Variants in DNMT3A observed in about 807,000 individuals in gnomAD.
DNMT3A encodes DNA methyltransferase 3 alpha.
Under a neutral mutation model 117.6 loss-of-function variants are expected in DNMT3A, and 267 were observed. The ratio of observed to expected loss-of-function variants is 2.27; its 90% CI spans 2.05 to 2.51. DNMT3A has a LOEUF of 2.51. DNMT3A is among the 30% of genes most tolerant of loss of function. The probability of loss-of-function intolerance (pLI) is 0.00; values close to 1 mark genes in which losing one functional copy is unlikely to be tolerated. For synonymous variants in DNMT3A, 432 were observed against 474.8 expected (o/e 0.91, Z 1.17); for missense variants, 1,029 against 1,260.2 (o/e 0.82, Z 2.78).
chr2:25,284,119 G>A (rs556694562), intron 3 of DNMT3A, among the ~76,000 whole-genome samples: 14 of 152,308 alleles, frequency 9.2e-5, no homozygotes, highest in South Asian at 6.2e-4. Flanking sequence ...CACACCCACA[G>A]GCACCAGGCT....
chr2:25,341,554 G>A (rs1407566036), intron 1 of DNMT3A, among the ~76,000 whole-genome samples: 4 of 146,358 alleles, frequency 2.7e-5, no homozygotes, highest in African/African-American at 9.8e-5. Context: ...GGGGAGGGGG[G>A]TCCGCGCCGG....
At position 25,293,576 on chromosome 2, in the gene DNMT3A, C is replaced by T. The variant is rs2032913361; in HGVS notation, c.177+6563G>A. Among the ~76,000 whole-genome samples the T allele has an allele frequency of 6.6e-6, 1 of 152,158 alleles. No homozygotes were observed. Among genetic ancestry groups the T allele is most frequent in the African/African-American group, 2.4e-5 (1 of 41,426 alleles). Reference sequence around the variant, plus strand: ...CAATTATGGCTCACTGCAGCCTCAACCTCCCGGGGTCAAGAGATCCTCCTG... The same window carrying T: ...CAATTATGGCTCACTGCAGCCTCAATCTCCCGGGGTCAAGAGATCCTCCTG... On this transcript the variant is annotated intron_variant, in intron 3 of 22. Coordinates refer to ENST00000321117, the MANE Select transcript of DNMT3A (RefSeq NM_022552.5). The surrounding 1 kb of genome is among the most constrained non-coding windows in gnomAD (Gnocchi z 4.7).
chr2:25,271,319 C>T (rs1317173976), intron 6 of DNMT3A, among the ~76,000 whole-genome samples: 4 of 152,204 alleles, frequency 2.6e-5, no homozygotes, highest in Non-Finnish European at 5.9e-5. Context: ...CTTTGCACTC[C>T]AGCCTTGACA....
chr2:25,292,805 A>T (rs984909657), intron 3 of DNMT3A, among the ~76,000 whole-genome samples: 6 of 152,244 alleles, frequency 3.9e-5, no homozygotes, highest in African/African-American at 1.2e-4. Context: ...GGATGATGAA[A>T]GAAAGCCCAT....
At position 25,248,099 on chromosome 2, in the gene DNMT3A, C is replaced by T. The variant is rs1483397095; in HGVS notation, c.793G>A (p.Val265Met). The change falls in exon 7 of 23, where the codon GTG becomes ATG. Residue 265 changes from valine to methionine, a missense_variant. Val to Met is a conservative substitution (Grantham distance 21). Coordinates refer to ENST00000321117, the MANE Select transcript of DNMT3A (RefSeq NM_022552.5). ...SPTVATTPEP[V>M]GSDAGDKNAT... ...TTCTTGTCCCCAGCATCGGACCCCA[C>T]GGGCTCAGGCGTGGTAGCCACAGTG... 14 of 1,613,144 alleles carry T rather than the reference C, an allele frequency of 8.7e-6. No individual in the cohort carries two copies. Among genetic ancestry groups the T allele is most frequent in the African/African-American group, 2.7e-5 (2 of 74,884 alleles).
chr2:25,336,177 G>A (rs1250207290), intron 1 of DNMT3A, among the ~76,000 whole-genome samples: 1 of 152,234 alleles, frequency 6.6e-6, no homozygotes, highest in Non-Finnish European at 1.5e-5. Flanking sequence ...CATGCCTGGG[G>A]GCCTGGGCCG....
intron 1 of DNMT3A, among the ~76,000 whole-genome samples, chr2:25,318,698 C>CTTTTTTT (rs375722790): frequency 7.6e-6 from 1 of 132,264 alleles, no homozygotes. Context: ...TTTTTCTTTT[C>CTTTTTTT]TTTTTTTTTT....
At chr2:25,292,687 G>A (rs941190967) in intron 3 of DNMT3A, among the ~76,000 whole-genome samples, 2 of 152,126 alleles carry the variant, frequency 1.3e-5, no homozygotes, top group Admixed American at 1.3e-4. Flanking sequence ...TCTCTTGGCA[G>A]CCTTGCCTTC....
At position 25,228,126 on chromosome 2, in the gene DNMT3A, C is replaced by T. The variant is rs374638011; in HGVS notation, c.*6153G>A. The T allele has an allele frequency of 2.7e-5, 4 of 147,124 alleles. No homozygotes were observed. The Admixed American group carries it at 2.8e-4, about 10-fold the overall frequency. 9.1% of individuals were successfully genotyped at this position (147,124 alleles called of 1,614,324 possible). A position where few individuals can be genotyped will look rare whatever the true frequency, so the allele number is the denominator to read the frequency against. ...GGCAGGGACCCCTCGGGCCCCCACT[C>T]GCCCTTCCCTGAATGTCCTAGAACC... On this transcript the variant is annotated 3_prime_UTR_variant, in exon 23 of 23. Coordinates refer to ENST00000321117, the MANE Select transcript of DNMT3A (RefSeq NM_022552.5).
chr2:25,246,391 G>A lies in DNMT3A; in HGVS notation c.1280-82C>T, dbSNP rs1425150503. On this transcript the variant is annotated intron_variant, in intron 10 of 22. Transcript: ENST00000321117. The stretch of plus-strand genomic sequence containing the variant: ...CCTTCCCCCACCCTCCTTACAGTGG[G>A]GTGCGGCCTGGTCTCCAACTTGTTC... The A allele has an allele frequency of 2.7e-6, 4 of 1,508,824 alleles. No individual in the cohort carries two copies. In the African/African-American group the frequency reaches 4.2e-5, roughly 16 times the overall value. 93.5% of individuals were successfully genotyped at this position (1,508,824 alleles called of 1,614,324 possible). A position where few individuals can be genotyped will look rare whatever the true frequency, so the allele number is the denominator to read the frequency against.
In DNMT3A at chr2:25,281,578, CTT is replaced by C; in HGVS notation, c.448+861_448+862del. 1.9e-6 allele frequency: 2 copies of C among 1,063,570 alleles called. No homozygotes were observed. The highest frequency in any genetic ancestry group is 2.3e-6 in the Non-Finnish European group (2 of 878,138). 65.9% of individuals were successfully genotyped at this position (1,063,570 alleles called of 1,614,324 possible). On this transcript the variant is annotated intron_variant, in intron 4 of 22. Coordinates refer to ENST00000321117, the MANE Select transcript of DNMT3A (RefSeq NM_022552.5). The surrounding 1 kb of genome is among the most constrained non-coding windows in gnomAD (Gnocchi z 4.8). ...TCATCATACACGCTTGGAAGGAAGA[CTT>C]TTTGAAATTAAAATGCACATATGCA...
intron 6 of DNMT3A, among the ~76,000 whole-genome samples, chr2:25,258,748 G>A (rs1221796272): frequency 6.6e-6 from 1 of 152,192 alleles, no homozygotes; most frequent in African/African-American, 2.4e-5. Context: ...CTAGGAATGG[G>A]CACAACCTCC....
chr2:25,281,740 G>A lies in DNMT3A; in HGVS notation c.448+701C>T. On this transcript the variant is annotated intron_variant, in intron 4 of 22. Transcript: ENST00000321117. The surrounding 1 kb of genome is among the most constrained non-coding windows in gnomAD (Gnocchi z 4.8). Reference sequence around the variant, plus strand: ...TTACAGCTCGGTTGGCCCTGAAATTGCTGGCTTAACCTGAAAGAGAAAAGT... The same window carrying A: ...TTACAGCTCGGTTGGCCCTGAAATTACTGGCTTAACCTGAAAGAGAAAAGT... 9.4e-7 allele frequency: 1 copy of A among 1,065,820 alleles called. No homozygotes were observed. The highest frequency in any genetic ancestry group is 1.1e-6 in the Non-Finnish European group (1 of 879,590). 66.0% of individuals were successfully genotyped at this position (1,065,820 alleles called of 1,614,324 possible).
At chr2:25,302,976 G>T (rs891221996) in intron 2 of DNMT3A, among the ~76,000 whole-genome samples, 2 of 152,182 alleles carry the variant, frequency 1.3e-5, no homozygotes, top group African/African-American at 4.8e-5. Flanking sequence ...TAAAATGGGG[G>T]TAGGGAGGTG....
intron 1 of DNMT3A, among the ~76,000 whole-genome samples, chr2:25,331,121 CA>C (rs1289580266): frequency 1.3e-5 from 2 of 152,196 alleles, no homozygotes; most frequent in African/African-American, 4.8e-5. Context: ...GTCCATTTTA[CA>C]GATGGTAAAA....
At chr2:25,316,488 G>A (rs6722613) in intron 1 of DNMT3A, among the ~76,000 whole-genome samples, 85,801 of 152,034 alleles carry the variant, frequency 0.56, 24,743 homozygotes, top group African/African-American at 0.63. Context: ...CCTCAAAATC[G>A]TGTCCATCAC....
Position 25,313,961 on chromosome 2 carries a change from G to A in DNMT3A, c.24C>T (p.Gly8=). The change falls in exon 2 of 23, where the codon GGC becomes GGT. Residue 8 remains glycine (G), a synonymous_variant. Transcript: ENST00000321117. MPAMPSS[G]PGDTSSSAAE... ...CAGCAGAGCTGCTGGTGTCCCCGGG[G>A]CCGCTGGAGGGCATGGCGGGCATCT... is the stretch of plus-strand genomic sequence containing the variant. The A allele has an allele frequency of 6.5e-7, 1 of 1,548,778 alleles. No individual in the cohort carries two copies. The highest frequency in any genetic ancestry group is 8.7e-7 in the Non-Finnish European group (1 of 1,146,102).
Position 25,247,505 on chromosome 2 carries a change from T to C in DNMT3A, c.1014+86A>G. On this transcript the variant is annotated intron_variant, in intron 8 of 22. Transcript: ENST00000321117. The surrounding 1 kb of genome is among the most constrained non-coding windows in gnomAD (Gnocchi z 5.6). ...GCAGAACCCACTTCCATCACCCCAA[T>C]TCCAGACTGCCCCCAGCCAAAACCA... is the stretch of plus-strand genomic sequence containing the variant. 3 of 1,559,292 alleles carry C rather than the reference T, an allele frequency of 1.9e-6. No homozygotes were observed. Among genetic ancestry groups the C allele is most frequent in the East Asian group, 2.3e-5 (1 of 44,352 alleles).
chr2:25,239,195 A>G lies in DNMT3A; in HGVS notation c.2343T>C (p.Asp781=), dbSNP rs1211551251. ...RFLESNPVMI[D]AKEVSAAHRA... is the part of the protein sequence containing the mutation. ...TGTGTGCAGCTGACACTTCTTTGGCATCAATCATCACAGGGTTGGACTACA... is the reference window on the plus strand; with the variant it reads ...TGTGTGCAGCTGACACTTCTTTGGCGTCAATCATCACAGGGTTGGACTACA... The change falls in exon 20 of 23, where the codon GAT becomes GAC. Residue 781 remains aspartate, a synonymous_variant. Coordinates refer to ENST00000321117, the MANE Select transcript of DNMT3A (RefSeq NM_022552.5). The G allele has an allele frequency of 1.2e-6, 2 of 1,613,948 alleles. No homozygotes were observed. The highest frequency in any genetic ancestry group is 2.2e-5 in the East Asian group (1 of 44,890).
Sources: gnomAD v4.1 joint callset for allele counts (sites outside exome capture counted in the v4.1 genomes callset) on GRCh38, gnomAD v4.1.1 for gene constraint, Gnocchi (gnomAD v3.1) non-coding constraint, MANE v1.5 for transcripts, NCBI Gene and HGNC (gene_info 2026-07-23, HGNC 2026-07-21) for gene names.